The following UNC13C variants were observed in gnomAD, a reference collection of about 807,000 sequenced individuals.
UNC13C encodes the protein protein unc-13 homolog C.
In UNC13C, 174 loss-of-function variants were observed where a neutral mutation model predicts 245.4. The observed-to-expected ratio is 0.71, with a 90% CI of 0.63 to 0.80. The LOEUF is 0.80. Among genes scored for constraint, UNC13C ranks in the 30% least tolerant of loss-of-function variants. The probability of loss-of-function intolerance (pLI) is 0.00; values close to 1 mark genes in which losing one functional copy is unlikely to be tolerated. For missense variants in UNC13C, 2,829 were observed against 2,602.9 expected (o/e 1.09, Z -1.89); for synonymous variants, 992 against 895.1 (o/e 1.11, Z -1.93).
intron 13 of UNC13C, among the ~76,000 whole-genome samples, chr15:54,316,570 T>G (rs28570400): frequency 0.11 from 17,145 of 151,924 alleles, 1,182 homozygotes; most frequent in Middle Eastern, 0.18. Context: ...TGTACAAAAT[T>G]TATTACATGA....
chr15:54,489,669 G>A (rs1893605821), intron 19 of UNC13C, among the ~76,000 whole-genome samples: 2 of 152,146 alleles, frequency 1.3e-5, no homozygotes, highest in African/African-American at 4.8e-5. Flanking sequence ...TAGTCTGGTT[G>A]TGTACCTGAG....
intron 17 of UNC13C, among the ~76,000 whole-genome samples, chr15:54,383,624 CGCTCTCACCACTCCTAT>C (rs1307673442): frequency 3.9e-5 from 6 of 152,008 alleles, no homozygotes; most frequent in African/African-American, 1.4e-4. Context: ...GAAAAATGCC[CGCTCTCACCACTCCTAT>C]GCAACATGGT....
At chr15:54,165,590 A>G (rs1045398563) in intron 4 of UNC13C, among the ~76,000 whole-genome samples, 5 of 152,128 alleles carry the variant, frequency 3.3e-5, no homozygotes, top group African/African-American at 1.2e-4. Context: ...TATCATCTTT[A>G]TATACTATAG....
chr15:54,013,784 G>T lies in UNC13C; in HGVS notation c.881G>T (p.Gly294Val), dbSNP rs374691355. Residue 294 changes from glycine to valine, a missense_variant, in exon 2 of 33, where the codon GGG becomes GTG. Coordinates refer to ENST00000260323, the MANE Select transcript of UNC13C (RefSeq NM_001080534.3). Reference sequence around the variant, plus strand: ...AGTGAAATTGAGCAGTTGCGCACAGGGTTTGTCCAGTCTCGGAGGGAAACT... The same window carrying T: ...AGTGAAATTGAGCAGTTGCGCACAGTGTTTGTCCAGTCTCGGAGGGAAACT... Reference protein sequence around the residue: ...VQSEIEQLRTGFVQSRRETRD... With the variant: ...VQSEIEQLRTVFVQSRRETRD... 9.3e-6 allele frequency: 15 copies of T among 1,611,342 alleles called. No homozygotes were observed. The highest frequency in any genetic ancestry group is 1.3e-5 in the Non-Finnish European group (15 of 1,178,780).
intron 2 of UNC13C, among the ~76,000 whole-genome samples, chr15:54,062,035 C>G (rs758941490): frequency 2.0e-5 from 3 of 152,008 alleles, no homozygotes; most frequent in Non-Finnish European, 2.9e-5. Context: ...AATCTCCATC[C>G]TCAGTCGGGC....
At chr15:53,861,327 A>G in the UNC13C span, among the ~76,000 whole-genome samples, 31 of 152,302 alleles carry the variant, frequency 2.0e-4, 1 homozygote, top group South Asian at 4.1e-4. Context: ...TTGTGTTTAT[A>G]CAAGGATATA....
At chr15:53,997,951 C>A (rs139656414) in intron 1 of UNC13C, among the ~76,000 whole-genome samples, 1 of 151,902 alleles carries the variant, frequency 6.6e-6, no homozygotes, top group East Asian at 1.9e-4. Context: ...TACAGGTGTG[C>A]GCCACCATGA....
rs750172626 is a variant in UNC13C, at chr15:54,549,499, A to G, written c.5821-136A>G. 14 of 654,764 alleles carry G rather than the reference A, an allele frequency of 2.1e-5. No individual in the cohort carries two copies. The Admixed American group carries it at 3.2e-4, about 15-fold the overall frequency. 40.6% of individuals were successfully genotyped at this position (654,764 alleles called of 1,614,324 possible). A position where few individuals can be genotyped will look rare whatever the true frequency, so the allele number is the denominator to read the frequency against. On this transcript the variant is annotated intron_variant, in intron 27 of 32. Coordinates refer to ENST00000260323, the MANE Select transcript of UNC13C (RefSeq NM_001080534.3). ...ATATTTGACCCAATCTTTATAATAG[A>G]CCAATTAAGGGCATCTGGCATAAGC...
the UNC13C span, among the ~76,000 whole-genome samples, chr15:53,954,825 T>G: frequency 1.3e-5 from 2 of 152,200 alleles, no homozygotes; most frequent in African/African-American, 4.8e-5. Context: ...ATGCTACGGT[T>G]AAGTTTGTGC....
rs189615455 is a variant in UNC13C at position 54,110,974 on chromosome 15, A to G, written c.2984-32044A>G. 2.0e-5 allele frequency among the ~76,000 whole-genome samples: 3 copies of G among 152,306 alleles called. No homozygotes were observed. In the East Asian group the frequency reaches 5.8e-4, roughly 29 times the overall value. ...CACAGGGTTACAGCTAGATTAAATGATCCAAAAGTTAGCCCCATACCAGTC... is the reference window on the plus strand; with the variant it reads ...CACAGGGTTACAGCTAGATTAAATGGTCCAAAAGTTAGCCCCATACCAGTC... On this transcript the variant is annotated intron_variant, in intron 2 of 32. Transcript: ENST00000260323.
chr15:53,899,004 G>T, the UNC13C span, among the ~76,000 whole-genome samples: 4 of 151,896 alleles, frequency 2.6e-5, no homozygotes, highest in Middle Eastern at 3.4e-3. Context: ...CCTCTTGAGG[G>T]TTTTGTGCTT....
intron 22 of UNC13C, among the ~76,000 whole-genome samples, chr15:54,502,328 A>G (rs1350485910): frequency 6.6e-6 from 1 of 152,194 alleles, no homozygotes; most frequent in Non-Finnish European, 1.5e-5. Context: ...AGAGGCCCAG[A>G]ATATAGATAA....
At chr15:54,589,142 A>G (rs1021550047) in intron 30 of UNC13C, among the ~76,000 whole-genome samples, 1 of 151,914 alleles carries the variant, frequency 6.6e-6, no homozygotes, top group Non-Finnish European at 1.5e-5. Flanking sequence ...TGACACCAAC[A>G]TCTACTGTTT....
chr15:54,065,468 C>A (rs1898033390), intron 2 of UNC13C, among the ~76,000 whole-genome samples: 1 of 152,168 alleles, frequency 6.6e-6, no homozygotes, highest in South Asian at 2.1e-4. Context: ...GGGCCTGAGC[C>A]CTTTCTTTGA....
chr15:54,448,513 C>G (rs1340609153), intron 19 of UNC13C, among the ~76,000 whole-genome samples: 1 of 152,132 alleles, frequency 6.6e-6, no homozygotes, highest in Non-Finnish European at 1.5e-5. Context: ...GAATTGATCC[C>G]TTTACCATTA....
At chr15:53,860,316 T>G in the UNC13C span, among the ~76,000 whole-genome samples, 2 of 152,180 alleles carry the variant, frequency 1.3e-5, no homozygotes, top group Non-Finnish European at 2.9e-5. Flanking sequence ...CCTAAAATGT[T>G]AAAAATTTCA....
At chr15:54,094,725 A>G (rs975825589) in intron 2 of UNC13C, among the ~76,000 whole-genome samples, 2 of 152,130 alleles carry the variant, frequency 1.3e-5, no homozygotes, top group African/African-American at 4.8e-5. Flanking sequence ...AAAATAAACA[A>G]AAATCTATTA....
At chr15:54,346,209 C>T (rs745953387) in intron 17 of UNC13C, among the ~76,000 whole-genome samples, 30 of 151,912 alleles carry the variant, frequency 2.0e-4, no homozygotes, top group Non-Finnish European at 2.6e-4. Flanking sequence ...GGTTGATAAA[C>T]GAAGTAATTA....
At chr15:54,356,695 T>G (rs533206503) in intron 17 of UNC13C, among the ~76,000 whole-genome samples, 1 of 152,296 alleles carries the variant, frequency 6.6e-6, no homozygotes, top group African/African-American at 2.4e-5. Flanking sequence ...TTCCCAACTA[T>G]TAATCCTATC....
Sources: gnomAD v4.1 joint callset for allele counts (sites outside exome capture counted in the v4.1 genomes callset) on GRCh38, gnomAD v4.1.1 for gene constraint, MANE v1.5 for transcripts, NCBI Gene and HGNC (gene_info 2026-07-23, HGNC 2026-07-21) for gene names.